DMD: variants seen among roughly 807,000 people sequenced by gnomAD.
DMD encodes the protein mutant dystrophin.
In DMD, 63 loss-of-function variants were observed where a neutral mutation model predicts 330.1. The ratio of observed to expected loss-of-function variants is 0.19; its 90% CI spans 0.16 to 0.24. The LOEUF is 0.24. Ranked by LOEUF, DMD falls within the 10% of genes least tolerant of loss-of-function variation. The pLI, the probability that DMD is intolerant of heterozygous loss-of-function variation, is 1.00. For synonymous variants in DMD, 1,223 were observed against 959.8 expected (o/e 1.27, Z -5.07); for missense variants, 3,344 against 2,684.1 (o/e 1.25, Z -5.43).
chrX:32,758,783 C>G (rs1011945795), intron 7 of DMD, among the ~76,000 whole-genome samples: 10 of 111,547 alleles, frequency 9.0e-5, no homozygotes, highest in Non-Finnish European at 1.9e-4. Context: ...CTATTATTTT[C>G]ACCTGGAGCA....
chrX:32,877,669 G>A (rs771149244), intron 2 of DMD, among the ~76,000 whole-genome samples: 30 of 111,863 alleles, frequency 2.7e-4, no homozygotes, highest in Non-Finnish European at 5.6e-5. Flanking sequence ...CTCTTTAGAT[G>A]ACTGTCTTCA....
intron 9 of DMD, among the ~76,000 whole-genome samples, chrX:32,687,957 A>G (rs183950971): frequency 4.7e-4 from 52 of 111,684 alleles, no homozygotes; most frequent in African/African-American, 1.5e-3. Context: ...GATTTGTAAA[A>G]GAAAAATAAT....
intron 7 of DMD, among the ~76,000 whole-genome samples, chrX:32,773,545 A>ATTTTTT (rs2073850905): frequency 1.0e-5 from 1 of 95,610 alleles, no homozygotes. Context: ...CCTATTTACC[A>ATTTTTT]CTCCCTCCTT....
At chrX:31,386,082 T>C (rs2060431042) in intron 60 of DMD, among the ~76,000 whole-genome samples, 1 of 112,036 alleles carries the variant, frequency 8.9e-6, no homozygotes, top group South Asian at 3.7e-4. Context: ...TGTAGGGACA[T>C]GGATGAAGCT....
chrX:32,099,501 A>G (rs2096528744), intron 44 of DMD, among the ~76,000 whole-genome samples: 1 of 110,245 alleles, frequency 9.1e-6, no homozygotes, highest in Non-Finnish European at 1.9e-5. Flanking sequence ...CCAAATGTCC[A>G]ACAATGATAG....
At chrX:31,178,142 T>G in intron 70 of DMD, 172 bp from the exon 71 acceptor site, 1 of 745,561 alleles carries the variant, frequency 1.3e-6, no homozygotes, top group African/African-American at 2.3e-5. Flanking sequence ...GTTGTGTGAC[T>G]GCCATCAGAG....
Position 32,674,445 on chromosome X carries a change from A to G in DMD, c.960+23425T>C, listed in dbSNP as rs1212613269. On this transcript the variant is annotated intron_variant, in intron 9 of 78. Coordinates refer to ENST00000357033, the MANE Select transcript of DMD (RefSeq NM_004006.3). ...GTGTATAGCAATGTTGGATATTCAA[A>G]GAGGAGGACTGTAGTAAGCACTGCA... Among the ~76,000 whole-genome samples, 4 of 111,824 alleles carry G rather than the reference A, an allele frequency of 3.6e-5. No homozygotes were observed. The East Asian group carries it at 1.1e-3, about 32-fold the overall frequency.
chrX:32,913,981 C>T (rs1170787280), intron 2 of DMD, among the ~76,000 whole-genome samples: 2 of 111,548 alleles, frequency 1.8e-5, no homozygotes, highest in Non-Finnish European at 3.8e-5. Flanking sequence ...TCCTTACTTC[C>T]CCTGCCTCCC....
At chrX:31,821,948 G>A (rs2092771192) in intron 49 of DMD, among the ~76,000 whole-genome samples, 1 of 112,101 alleles carries the variant, frequency 8.9e-6, no homozygotes, top group Admixed American at 9.5e-5. Context: ...TCATATACAC[G>A]TTGTAGTTTA....
At chrX:32,899,500 C>G (rs1245354856) in intron 2 of DMD, among the ~76,000 whole-genome samples, 3 of 108,571 alleles carry the variant, frequency 2.8e-5, no homozygotes, top group Non-Finnish European at 3.8e-5. Flanking sequence ...ATGGTGAAAC[C>G]CCGTCGCTAC....
intron 54 of DMD, among the ~76,000 whole-genome samples, chrX:31,638,885 G>A (rs2079570619): frequency 9.0e-6 from 1 of 111,707 alleles, no homozygotes. Flanking sequence ...GTTAGGGGGC[G>A]ATTGATATAG....
chrX:32,509,574 C>T, intron 18 of DMD, among the ~76,000 whole-genome samples: 1 of 111,906 alleles, frequency 8.9e-6, no homozygotes, highest in East Asian at 2.8e-4. Context: ...CTTACTCAGT[C>T]CCATCAAAAC....
intron 9 of DMD, among the ~76,000 whole-genome samples, chrX:32,650,774 G>A: frequency 8.9e-6 from 1 of 112,000 alleles, no homozygotes; most frequent in Non-Finnish European, 1.9e-5. Context: ...GAAAAATCAT[G>A]GCCTGCTGTT....
intron 7 of DMD, among the ~76,000 whole-genome samples, chrX:32,787,284 G>T (rs775047047): frequency 1.7e-3 from 183 of 108,147 alleles, no homozygotes; most frequent in Middle Eastern, 9.4e-3. Flanking sequence ...AAGAGAGAGA[G>T]AACCACTCTG....
intron 64 of DMD, among the ~76,000 whole-genome samples, chrX:31,221,047 C>T (rs1266512851): frequency 3.7e-5 from 4 of 108,414 alleles, no homozygotes; most frequent in Non-Finnish European, 7.6e-5. Flanking sequence ...ATCACTGAGG[C>T]CTGTCAAATC....
intron 37 of DMD, among the ~76,000 whole-genome samples, chrX:32,357,660 T>TACACACACACACACACAC (rs3044986): frequency 5.0e-4 from 47 of 94,844 alleles, no homozygotes; most frequent in African/African-American, 1.8e-3. Flanking sequence ...CATACACAGA[T>TACACACACACACACACAC]ACACACACAC....
At chrX:32,683,771 T>C (rs1415200296) in intron 9 of DMD, among the ~76,000 whole-genome samples, 2 of 102,635 alleles carry the variant, frequency 1.9e-5, no homozygotes, top group East Asian at 6.0e-4. Flanking sequence ...TGTGCACATG[T>C]ACCCTAAAAG....
chrX:32,568,337 G>A (rs1345397655), intron 15 of DMD, among the ~76,000 whole-genome samples: 1 of 110,238 alleles, frequency 9.1e-6, no homozygotes, highest in Non-Finnish European at 1.9e-5. Context: ...GTGAAACCTC[G>A]TCTGTACTAA....
intron 20 of DMD, among the ~76,000 whole-genome samples, chrX:32,487,130 C>A (rs967849224): frequency 5.4e-5 from 6 of 111,216 alleles, no homozygotes; most frequent in African/African-American, 2.0e-4. Flanking sequence ...CCAGAATCTA[C>A]AACGAACTCA....
Sources: gnomAD v4.1 joint callset for allele counts (sites outside exome capture counted in the v4.1 genomes callset) on GRCh38, gnomAD v4.1.1 for gene constraint, MANE v1.5 for transcripts, NCBI Gene and HGNC (gene_info 2026-07-23, HGNC 2026-07-21) for gene names.